The following MYO3A variants were observed in gnomAD, a reference collection of about 807,000 sequenced individuals.
The protein encoded by MYO3A is myosin-IIIa.
In MYO3A, 180 loss-of-function variants were observed where a neutral mutation model predicts 192.7. The observed-to-expected ratio is 0.93, with a 90% confidence interval of 0.83 to 1.06. The LOEUF (loss-of-function observed/expected upper bound fraction) is 1.06. MYO3A is among the 50% of genes least tolerant of loss of function. The pLI is 0.00. For missense variants in MYO3A, 1,896 were observed against 1,905.0 expected, an observed-to-expected ratio of 1.00 and a Z score of 0.09; for synonymous variants, 628 against 645.3, an observed-to-expected ratio of 0.97 and a Z score of 0.41.
At chr10:25,990,508 AAT>A (rs1041966137) in intron 4 of MYO3A, among the ~76,000 whole-genome samples, 1 of 150,534 alleles carries the variant, frequency 6.6e-6, no homozygotes, top group African/African-American at 2.5e-5. Context: ...TTCTTTTTTT[AAT>A]ATATATATTT....
intron 31 of MYO3A, among the ~76,000 whole-genome samples, chr10:26,192,218 G>C (rs187381796): frequency 1.2e-3 from 184 of 152,282 alleles, no homozygotes; most frequent in African/African-American, 3.7e-3. Context: ...TGAGATCTTG[G>C]CTATATTAAC....
chr10:26,079,139 T>G (rs571457126), intron 14 of MYO3A, among the ~76,000 whole-genome samples: 25 of 152,272 alleles, frequency 1.6e-4, no homozygotes, highest in African/African-American at 5.8e-4. Context: ...ATTGTGTTGC[T>G]GTCTATCTCA....
chr10:25,955,968 T>C (rs548056563), intron 4 of MYO3A, among the ~76,000 whole-genome samples: 28 of 152,226 alleles, frequency 1.8e-4, no homozygotes, highest in Middle Eastern at 3.4e-3. Flanking sequence ...TTTTGGAGGC[T>C]GGAAGTCCAA....
chr10:26,107,771 A>G (rs1837913372), intron 17 of MYO3A, among the ~76,000 whole-genome samples: 2 of 151,374 alleles, frequency 1.3e-5, no homozygotes, highest in Admixed American at 6.6e-5. Context: ...TTACTCTTTT[A>G]TCTTTAATTG....
At chr10:26,072,395 G>T (rs12267071) in intron 14 of MYO3A, among the ~76,000 whole-genome samples, 72,087 of 151,802 alleles carry the variant, frequency 0.47, 17,892 homozygotes, top group Middle Eastern at 0.59. Context: ...GGCTTTAATC[G>T]GGTGCTGCAC....
At chr10:26,160,030 A>C (rs1396347131) in intron 26 of MYO3A, among the ~76,000 whole-genome samples, 2 of 152,136 alleles carry the variant, frequency 1.3e-5, no homozygotes, top group African/African-American at 4.8e-5. Context: ...CAAATATCAA[A>C]TTAAGATTAA....
rs7085789 is a variant in MYO3A, at chr10:26,049,415, C to T, written c.954-17560C>T. On this transcript the variant is annotated intron_variant, in intron 10 of 34. Coordinates refer to ENST00000642920, the MANE Select transcript of MYO3A (RefSeq NM_017433.5). ...AGCTATGAAGGGATGAGAAATAGGG[C>T]AATAGCTGGAAAGGATAGGGGATCA... is the stretch of plus-strand genomic sequence containing the variant. 3.9e-3 allele frequency among the ~76,000 whole-genome samples: 593 copies of T among 151,928 alleles called. 3 individuals carry two copies. Among genetic ancestry groups the T allele is most frequent in the African/African-American group, 0.014 (565 of 41,410 alleles).
chr10:26,205,068 G>A (rs149291719), intron 34 of MYO3A, among the ~76,000 whole-genome samples: 82 of 152,332 alleles, frequency 5.4e-4, no homozygotes, highest in African/African-American at 1.9e-3. Context: ...GGCATTGCGC[G>A]AGAGGGTGTA....
At chr10:26,080,338 T>A (rs1210299291) in intron 14 of MYO3A, among the ~76,000 whole-genome samples, 2 of 152,150 alleles carry the variant, frequency 1.3e-5, no homozygotes, top group African/African-American at 4.8e-5. Flanking sequence ...CCACAGCATT[T>A]CACATCTCTA....
intron 4 of MYO3A, among the ~76,000 whole-genome samples, chr10:25,964,067 T>C (rs181469633): frequency 3.3e-5 from 5 of 152,290 alleles, no homozygotes; most frequent in Admixed American, 2.0e-4. Context: ...TTCTCTGTTA[T>C]CATAGATTTA....
At chr10:25,988,118 A>G (rs1839767330) in intron 4 of MYO3A, among the ~76,000 whole-genome samples, 1 of 152,180 alleles carries the variant, frequency 6.6e-6, no homozygotes, top group Non-Finnish European at 1.5e-5. Flanking sequence ...GGAATGGAAA[A>G]CCAAACATCA....
chr10:26,101,016 A>G (rs1225509360), intron 17 of MYO3A, among the ~76,000 whole-genome samples: 1 of 152,076 alleles, frequency 6.6e-6, no homozygotes. Flanking sequence ...TCCCATTATT[A>G]ATGTGTGGGA....
chr10:25,956,689 A>G (rs1837565125), intron 4 of MYO3A, among the ~76,000 whole-genome samples: 1 of 151,974 alleles, frequency 6.6e-6, no homozygotes. Flanking sequence ...CTATTAAAAA[A>G]TTCTTAATAT....
chr10:26,166,877 G>A (rs1589067098), intron 27 of MYO3A, among the ~76,000 whole-genome samples: 1 of 152,268 alleles, frequency 6.6e-6, no homozygotes, highest in South Asian at 2.1e-4. Flanking sequence ...CAGAACCTGT[G>A]AGATCTTAGC....
chr10:26,049,673 C>CTTTCTTTCT (rs1554813360), intron 10 of MYO3A, among the ~76,000 whole-genome samples: 1 of 69,114 alleles, frequency 1.4e-5, no homozygotes, highest in African/African-American at 5.2e-5. Flanking sequence ...TTCTTTCTTT[C>CTTTCTTTCT]TTTTTTTTTT....
chr10:26,188,962 G>T (rs1170572994), intron 31 of MYO3A, among the ~76,000 whole-genome samples: 2 of 152,284 alleles, frequency 1.3e-5, no homozygotes, highest in Middle Eastern at 3.4e-3. Flanking sequence ...GATTGACTTG[G>T]CAATGTGGGC....
intron 21 of MYO3A, among the ~76,000 whole-genome samples, chr10:26,144,718 T>G (rs1256703379): frequency 6.6e-6 from 1 of 152,180 alleles, no homozygotes; most frequent in Non-Finnish European, 1.5e-5. Context: ...ACCTCTTTGG[T>G]CAGTCTCAAG....
At chr10:25,960,127 T>C (rs11814242) in intron 4 of MYO3A, among the ~76,000 whole-genome samples, 14,072 of 152,156 alleles carry the variant, frequency 0.092, 1,146 homozygotes, top group African/African-American at 0.21. Flanking sequence ...TTGCTCAGTG[T>C]TCTCCTTTTT....
Position 26,199,315 on chromosome 10 carries a change from G to A in MYO3A, c.4546-1950G>A, listed in dbSNP as rs145680522. Among the ~76,000 whole-genome samples, 1,136 of 152,314 alleles carry A rather than the reference G, an allele frequency of 7.5e-3. 17 individuals carry two copies. Among genetic ancestry groups the A allele is most frequent in the African/African-American group, 0.026 (1,072 of 41,558 alleles). ...CACCTGTAATCCCAGCACTTGGAGA[G>A]GCCGAGGTGGGTGGATTGCTTGAGC... On this transcript the variant is annotated intron_variant, in intron 32 of 34. Transcript: ENST00000642920.
Sources: allele counts gnomAD v4.1 joint callset (sites outside exome capture counted in the v4.1 genomes callset), GRCh38; gene constraint gnomAD v4.1.1; transcripts MANE v1.5; gene names NCBI Gene and HGNC (gene_info 2026-07-23, HGNC 2026-07-21).